Variants in SRGAP1 observed in about 807,000 individuals in gnomAD.
SRGAP1 encodes the protein SLIT-ROBO Rho GTPase activating protein 1.
SRGAP1 carries 43 observed loss-of-function variants against 121.9 expected under a neutral mutation model. The observed-to-expected ratio is 0.35, with a 90% CI of 0.28 to 0.46. SRGAP1 has a LOEUF of 0.46. SRGAP1 is among the 20% of genes least tolerant of loss of function. SRGAP1 has a pLI of 1.00. For synonymous variants in SRGAP1, 447 were observed against 485.4 expected (o/e 0.92, Z 1.04); for missense variants, 1,102 against 1,350.9 (o/e 0.82, Z 2.89).
Position 64,155,563 on chromosome 12 carries a change from ATATAT to A in SRGAP1, c.*12894_*12898del, listed in dbSNP as rs1210091325. On this transcript the variant is annotated 3_prime_UTR_variant, in exon 22 of 22. Coordinates refer to ENST00000355086, the MANE Select transcript of SRGAP1 (RefSeq NM_020762.4). ...CGTCTCAAAATAAATAAATAAATAAATATATTAAAAAATAAACAAGTTCAGGCTTG... is the reference window on the plus strand; with the variant it reads ...CGTCTCAAAATAAATAAATAAATAAATAAAAAATAAACAAGTTCAGGCTTG... 26 of 151,850 alleles carry A rather than the reference ATATAT, an allele frequency of 1.7e-4. No homozygotes were observed. Among genetic ancestry groups the A allele is most frequent in the African/African-American group, 6.3e-4 (26 of 41,422 alleles). 9.4% of individuals were successfully genotyped at this position (151,850 alleles called of 1,614,324 possible). A position where few individuals can be genotyped will look rare whatever the true frequency, so the allele number is the denominator to read the frequency against.
intron 3 of SRGAP1, among the ~76,000 whole-genome samples, chr12:64,012,549 A>ATG (rs1428356285): frequency 1.9e-4 from 19 of 98,684 alleles, no homozygotes; most frequent in Non-Finnish European, 3.4e-4. Context: ...TTAAGTTATT[A>ATG]TCTTTTTTTT....
chr12:64,128,980 G>A (rs1458534590), intron 21 of SRGAP1, among the ~76,000 whole-genome samples: 2 of 152,064 alleles, frequency 1.3e-5, no homozygotes, highest in Non-Finnish European at 2.9e-5. Flanking sequence ...ACATATGTTC[G>A]TAGGCCTAGT....
At chr12:63,905,589 T>C (rs562823832) in intron 1 of SRGAP1, among the ~76,000 whole-genome samples, 3 of 152,328 alleles carry the variant, frequency 2.0e-5, no homozygotes, top group African/African-American at 7.2e-5. Flanking sequence ...TAAGTCAGCT[T>C]CCTAATTCAA....
chr12:64,017,150 T>G (rs1015925222), intron 4 of SRGAP1, 138 bp downstream of exon 4: 1 of 563,588 alleles, frequency 1.8e-6, no homozygotes, highest in Admixed American at 3.2e-5. Context: ...GAACAAGGGA[T>G]AGGTATACAC....
intron 4 of SRGAP1, among the ~76,000 whole-genome samples, chr12:64,027,504 G>C (rs2034678768): frequency 6.6e-6 from 1 of 152,102 alleles, no homozygotes; most frequent in African/African-American, 2.4e-5. Flanking sequence ...CAGGGGAAAG[G>C]CATCTGAGGA....
chr12:63,985,778 A>G (rs2136412358), intron 2 of SRGAP1, among the ~76,000 whole-genome samples: 1 of 152,298 alleles, frequency 6.6e-6, no homozygotes, highest in Non-Finnish European at 1.5e-5. Context: ...TCCCAGAACC[A>G]GAAGAGCTAC....
At chr12:64,017,613 C>G (rs2034436770) in intron 4 of SRGAP1, among the ~76,000 whole-genome samples, 1 of 151,452 alleles carries the variant, frequency 6.6e-6, no homozygotes, top group South Asian at 2.1e-4. Flanking sequence ...CAAGATCACA[C>G]CACTGCACTC....
Position 64,097,357 on chromosome 12 carries a change from G to C in SRGAP1, c.1795G>C (p.Asp599His). 6.2e-7 allele frequency: 1 copy of C among 1,609,378 alleles called. No homozygotes were observed. Among genetic ancestry groups the C allele is most frequent in the South Asian group, 1.1e-5 (1 of 89,836 alleles). Reference sequence around the variant, plus strand: ...CCTCTTTCCTAAGGAAAGATTTAACGATCTGATTTCTTGTATCAGTAAGTG... The same window carrying C: ...CCTCTTTCCTAAGGAAAGATTTAACCATCTGATTTCTTGTATCAGTAAGTG... ...NPLFPKERFNDLISCIRIDNL... is the reference protein window; with the variant it reads ...NPLFPKERFNHLISCIRIDNL... Residue 599 changes from aspartate to histidine, a missense_variant, in exon 15 of 22, where the codon GAT (aspartate) becomes CAT (histidine). Around this residue, in one of 3 missense-constraint regions of SRGAP1, gnomAD observed 747 missense variants for 929.4 expected, o/e 0.80. Transcript: ENST00000355086.
At chr12:63,890,363 A>G (rs1276985030) in intron 1 of SRGAP1, among the ~76,000 whole-genome samples, 2 of 152,106 alleles carry the variant, frequency 1.3e-5, no homozygotes, top group African/African-American at 2.4e-5. Context: ...CTTCTCCCTA[A>G]AGTGTCTACT....
chr12:64,066,126 A>G (rs2035535400), intron 8 of SRGAP1, among the ~76,000 whole-genome samples: 1 of 152,246 alleles, frequency 6.6e-6, no homozygotes, highest in African/African-American at 2.4e-5. Context: ...ATCCTCAGAC[A>G]TCACTGGATT....
At chr12:63,900,204 C>CTTTTTTTTCT (rs755464707) in intron 1 of SRGAP1, among the ~76,000 whole-genome samples, 6,232 of 87,488 alleles carry the variant, frequency 0.071, 278 homozygotes, top group Non-Finnish European at 0.1. Context: ...TTTTCTTTTT[C>CTTTTTTTTCT]TTTTTTTTTT....
chr12:63,891,688 C>G (rs562055176), intron 1 of SRGAP1, among the ~76,000 whole-genome samples: 1 of 152,168 alleles, frequency 6.6e-6, no homozygotes, highest in East Asian at 1.9e-4. Flanking sequence ...CTATGTCCCC[C>G]TTGAAAAAAA....
At chr12:63,987,718 A>G (rs1017886331) in intron 2 of SRGAP1, among the ~76,000 whole-genome samples, 1 of 152,146 alleles carries the variant, frequency 6.6e-6, no homozygotes, top group African/African-American at 2.4e-5. Flanking sequence ...GCAAAACTCC[A>G]TCTAAAAAAA....
chr12:64,012,280 C>T (rs1333013754), intron 3 of SRGAP1, among the ~76,000 whole-genome samples: 1 of 152,132 alleles, frequency 6.6e-6, no homozygotes, highest in East Asian at 1.9e-4. Flanking sequence ...GGTTTATACA[C>T]TGGAGATATT....
chr12:63,901,506 CCA>C (rs2029926799), intron 1 of SRGAP1, among the ~76,000 whole-genome samples: 1 of 152,198 alleles, frequency 6.6e-6, no homozygotes, highest in Non-Finnish European at 1.5e-5. Context: ...GTTACTTTGT[CCA>C]CACACAGTGC....
At chr12:64,081,871 C>T (rs2035849554) in intron 10 of SRGAP1, 1 of 150,872 alleles carries the variant, frequency 6.6e-6, no homozygotes, top group South Asian at 2.1e-4. Flanking sequence ...AAGGATACTT[C>T]CTGTACTGCT....
At chr12:64,012,551 C>CTTTTTTTTTTTTTTT (rs386376760) in intron 3 of SRGAP1, among the ~76,000 whole-genome samples, 2 of 77,662 alleles carry the variant, frequency 2.6e-5, no homozygotes, top group African/African-American at 5.8e-5. Context: ...AAGTTATTAT[C>CTTTTTTTTTTTTTTT]TTTTTTTTTT....
chr12:64,126,597 C>A (rs2036690888), intron 19 of SRGAP1, among the ~76,000 whole-genome samples: 1 of 152,032 alleles, frequency 6.6e-6, no homozygotes, highest in Admixed American at 6.6e-5. Context: ...GCTCTAATTT[C>A]AAAAGTATTT....
chr12:63,871,056 C>T (rs1036641835), intron 1 of SRGAP1, among the ~76,000 whole-genome samples: 8 of 152,136 alleles, frequency 5.3e-5, no homozygotes, highest in Admixed American at 2.6e-4. Context: ...GCATTTGTAA[C>T]GAGTTACCAG....
Sources: allele counts gnomAD v4.1 joint callset (sites outside exome capture counted in the v4.1 genomes callset), GRCh38; gene constraint gnomAD v4.1.1; regional missense constraint gnomAD v4.1.1; transcripts MANE v1.5; gene names NCBI Gene and HGNC (gene_info 2026-07-23, HGNC 2026-07-21).